The following LRBA variants were observed in gnomAD, a reference collection of about 807,000 sequenced individuals.
LRBA encodes the protein lipopolysaccharide-responsive and beige-like anchor protein.
In LRBA, 176 loss-of-function variants were observed where a neutral mutation model predicts 330.0. The observed-to-expected ratio is 0.53, with a 90% CI of 0.47 to 0.60. The LOEUF is 0.60. Ranked by LOEUF, LRBA falls within the 20% of genes least tolerant of loss-of-function variation. LRBA has a pLI of 0.00. For missense variants in LRBA, 3,259 were observed against 3,444.8 expected (o/e 0.95, Z 1.35); for synonymous variants, 1,230 against 1,193.0 (o/e 1.03, Z -0.64).
chr4:150,964,954 T>G (rs1362116879), intron 2 of LRBA, among the ~76,000 whole-genome samples: 2 of 152,240 alleles, frequency 1.3e-5, no homozygotes, highest in Non-Finnish European at 2.9e-5. Context: ...ATCATCACTT[T>G]TTCACCTATT....
At position 150,817,201 on chromosome 4, in the gene LRBA, C is replaced by G; in HGVS notation, c.5228G>C (p.Ser1743Thr). 4 of 1,612,138 alleles carry G rather than the reference C, an allele frequency of 2.5e-6. No individual in the cohort carries two copies. Among genetic ancestry groups the G allele is most frequent in the Non-Finnish European group, 3.4e-6 (4 of 1,178,626 alleles). ...SAVSPSTFNT[S>T]IPTNAVSVVS... ...CACACTGACAGCATTGGTAGGTATGCTTGTATTAAAGGTGGAAGGTGAGAC... is the reference window on the plus strand; with the variant it reads ...CACACTGACAGCATTGGTAGGTATGGTTGTATTAAAGGTGGAAGGTGAGAC... The change falls in exon 31 of 57, where the codon AGC (serine) becomes ACC (threonine). Residue 1743 changes from serine to threonine, a missense_variant. Ser to Thr is a moderately conservative substitution (Grantham distance 58). Transcript: ENST00000651943.
chr4:150,952,916 A>C (rs1309469000), intron 2 of LRBA, among the ~76,000 whole-genome samples: 1 of 151,758 alleles, frequency 6.6e-6, no homozygotes, highest in African/African-American at 2.4e-5. Context: ...ACTTACAATT[A>C]TTTTGCTTCC....
chr4:150,685,797 T>C lies in LRBA; in HGVS notation c.5755-2080A>G, dbSNP rs151318114. 3.9e-5 allele frequency among the ~76,000 whole-genome samples: 6 copies of C among 152,086 alleles called. No homozygotes were observed. In the East Asian group the frequency reaches 7.8e-4, roughly 20 times the overall value. ...TAGGGAGATGAAAAGCTGAATTGTATAAAGAGGAATTTTAGAAGTTAGTCT... is the reference window on the plus strand; with the variant it reads ...TAGGGAGATGAAAAGCTGAATTGTACAAAGAGGAATTTTAGAAGTTAGTCT... On this transcript the variant is annotated intron_variant, in intron 36 of 56. Transcript: ENST00000651943.
At chr4:150,788,420 A>G in intron 34 of LRBA, among the ~76,000 whole-genome samples, 1 of 151,976 alleles carries the variant, frequency 6.6e-6, no homozygotes, top group South Asian at 2.1e-4. Context: ...TAATATACCC[A>G]TTTCACTTAA....
At chr4:150,876,759 A>G (rs1244985326) in intron 17 of LRBA, among the ~76,000 whole-genome samples, 1 of 152,216 alleles carries the variant, frequency 6.6e-6, no homozygotes, top group Non-Finnish European at 1.5e-5. Flanking sequence ...CCACAAAAAT[A>G]CATGTACGTA....
intron 40 of LRBA, among the ~76,000 whole-genome samples, chr4:150,556,721 T>A (rs903905867): frequency 2.6e-5 from 4 of 152,216 alleles, no homozygotes; most frequent in African/African-American, 9.7e-5. Context: ...TTATATAGTT[T>A]GGATTTTGAA....
At chr4:150,890,405 G>A (rs1398652174) in intron 17 of LRBA, among the ~76,000 whole-genome samples, 1 of 152,026 alleles carries the variant, frequency 6.6e-6, no homozygotes, top group Non-Finnish European at 1.5e-5. Context: ...GTTTTTGTTA[G>A]AAACCACTTC....
intron 47 of LRBA, among the ~76,000 whole-genome samples, chr4:150,350,606 G>A (rs17588741): frequency 0.19 from 29,398 of 150,982 alleles, 2,918 homozygotes; most frequent in Admixed American, 0.22. Context: ...TGATGTCCTA[G>A]TTTCTACCAG....
At chr4:150,373,166 T>TGAGA (rs1292822061) in intron 47 of LRBA, among the ~76,000 whole-genome samples, 12 of 122,354 alleles carry the variant, frequency 9.8e-5, no homozygotes, top group South Asian at 5.4e-4. Flanking sequence ...TGTGTGTGTG[T>TGAGA]GTGTGTGAGA....
At chr4:150,862,099 A>G (rs1286383124) in intron 22 of LRBA, among the ~76,000 whole-genome samples, 1 of 152,228 alleles carries the variant, frequency 6.6e-6, no homozygotes, top group African/African-American at 2.4e-5. Flanking sequence ...AAACTAGTTC[A>G]ACCATTGTGG....
Position 150,641,936 on chromosome 4 carries a change from C to T in LRBA, c.5921+41615G>A, listed in dbSNP as rs115349073. The stretch of plus-strand genomic sequence containing the variant: ...TTAATACCAATGTTTATTTATTACA[C>T]ACTGGATGGTATTTGCTATCTAAAC... On this transcript the variant is annotated intron_variant, in intron 37 of 56. Transcript: ENST00000651943. 4.6e-3 allele frequency among the ~76,000 whole-genome samples: 697 copies of T among 152,112 alleles called. 6 individuals carry two copies. The highest frequency in any genetic ancestry group is 0.016 in the African/African-American group (666 of 41,542).
intron 53 of LRBA, among the ~76,000 whole-genome samples, chr4:150,288,330 G>A (rs62344533): frequency 0.5 from 75,039 of 151,542 alleles, 19,795 homozygotes; most frequent in South Asian, 0.59. Context: ...GTTATTGGCC[G>A]GGCGCAATGG....
chr4:150,518,922 G>A (rs1414087814), intron 40 of LRBA, among the ~76,000 whole-genome samples: 1 of 151,962 alleles, frequency 6.6e-6, no homozygotes. Context: ...TTTTTTTCCT[G>A]AGGACCGGTA....
intron 50 of LRBA, among the ~76,000 whole-genome samples, chr4:150,317,916 G>A (rs1002865988): frequency 1.3e-5 from 2 of 152,122 alleles, no homozygotes; most frequent in African/African-American, 2.4e-5. Flanking sequence ...GATTTCATAT[G>A]GTTTCAACCT....
At position 150,430,071 on chromosome 4, in the gene LRBA, T is replaced by A. The variant is rs894591902; in HGVS notation, c.7041+5518A>T. On this transcript the variant is annotated intron_variant, in intron 46 of 56. Transcript: ENST00000651943. Reference sequence around the variant, plus strand: ...TTCTTTCTTCTGTGCTATATATATATGCCCAAGTCAAATTTAATCTTTCAC... The same window carrying A: ...TTCTTTCTTCTGTGCTATATATATAAGCCCAAGTCAAATTTAATCTTTCAC... Among the ~76,000 whole-genome samples, 9 of 152,262 alleles carry A rather than the reference T, an allele frequency of 5.9e-5. No individual in the cohort carries two copies. In the South Asian group the frequency reaches 1.7e-3, roughly 28 times the overall value.
intron 37 of LRBA, among the ~76,000 whole-genome samples, chr4:150,600,749 AC>A (rs1774031184): frequency 6.6e-6 from 1 of 152,324 alleles, no homozygotes; most frequent in East Asian, 1.9e-4. Context: ...ATAAATACCC[AC>A]AGAATATACA....
chr4:150,372,466 T>C (rs1288253825), intron 47 of LRBA, among the ~76,000 whole-genome samples: 1 of 147,342 alleles, frequency 6.8e-6, no homozygotes, highest in African/African-American at 2.5e-5. Flanking sequence ...CTGTATGTAG[T>C]GGCACACGCT....
chr4:150,350,287 T>C, intron 47 of LRBA, 128 bp from the exon 48 acceptor site: 8 of 746,832 alleles, frequency 1.1e-5, no homozygotes, highest in Non-Finnish European at 1.4e-5. Context: ...AAACAAAACT[T>C]GTGGCCGGGC....
chr4:151,009,270 G>A (rs879846317), intron 2 of LRBA, among the ~76,000 whole-genome samples: 21 of 151,524 alleles, frequency 1.4e-4, no homozygotes, highest in Non-Finnish European at 2.1e-4. Context: ...GGAGAAAGCC[G>A]GGCATGGTGG....
Sources: gnomAD v4.1 joint callset for allele counts (sites outside exome capture counted in the v4.1 genomes callset) on GRCh38, gnomAD v4.1.1 for gene constraint, MANE v1.5 for transcripts, NCBI Gene and HGNC (gene_info 2026-07-23, HGNC 2026-07-21) for gene names.